Variants in MRPS9 observed in about 807,000 individuals in gnomAD.
MRPS9 encodes small ribosomal subunit protein uS9m.
Under a neutral mutation model 59.9 loss-of-function variants are expected in MRPS9, and 45 were observed. The observed-to-expected ratio is 0.75, with a 90% confidence interval of 0.59 to 0.96. The LOEUF is 0.96. Among genes scored for constraint, MRPS9 ranks in the 40% least tolerant of loss-of-function variants. The pLI, the probability that MRPS9 is intolerant of heterozygous loss-of-function variation, is 0.00. For synonymous variants in MRPS9, 171 were observed against 166.8 expected, an observed-to-expected ratio of 1.03 and a Z score of -0.19; for missense variants, 473 against 481.1, an observed-to-expected ratio of 0.98 and a Z score of 0.16.
At chr2:105,057,682 G>T (rs1302094861) in intron 2 of MRPS9, among the ~76,000 whole-genome samples, 3 of 152,170 alleles carry the variant, frequency 2.0e-5, no homozygotes, top group Non-Finnish European at 2.9e-5. Context: ...AACCTGTTTA[G>T]TGAAGTTTCT....
chr2:105,042,002 A>G (rs1679510643), intron 1 of MRPS9, among the ~76,000 whole-genome samples: 1 of 152,252 alleles, frequency 6.6e-6, no homozygotes, highest in South Asian at 2.1e-4. Context: ...CAAGATAACT[A>G]AACTTTCTTG....
chr2:105,051,272 G>T (rs374399314), intron 2 of MRPS9, among the ~76,000 whole-genome samples: 2 of 152,156 alleles, frequency 1.3e-5, no homozygotes, highest in Non-Finnish European at 2.9e-5. Context: ...TGGACATTCA[G>T]TTGTTCCGGC....
intron 2 of MRPS9, among the ~76,000 whole-genome samples, chr2:105,061,986 T>C (rs780886419): frequency 6.6e-6 from 1 of 152,190 alleles, no homozygotes; most frequent in Non-Finnish European, 1.5e-5. Flanking sequence ...AAATTAACTA[T>C]GATTCAAATG....
intron 4 of MRPS9, among the ~76,000 whole-genome samples, chr2:105,078,307 T>C (rs1369121947): frequency 1.5e-5 from 2 of 133,588 alleles, no homozygotes; most frequent in African/African-American, 6.1e-5. Context: ...TTAGGTTCGG[T>C]GAAGTCAAGT....
intron 1 of MRPS9, among the ~76,000 whole-genome samples, chr2:105,046,018 C>A (rs1247382978): frequency 6.6e-6 from 1 of 152,008 alleles, no homozygotes; most frequent in Non-Finnish European, 1.5e-5. Context: ...GCGCACACCA[C>A]CATGCCCTGC....
chr2:105,082,053 G>A (rs1466199542), intron 5 of MRPS9, among the ~76,000 whole-genome samples: 2 of 152,144 alleles, frequency 1.3e-5, no homozygotes, highest in African/African-American at 4.8e-5. Context: ...AACACTTGGA[G>A]CCATCTCGCC....
intron 5 of MRPS9, among the ~76,000 whole-genome samples, chr2:105,087,255 G>C (rs1374159290): frequency 6.6e-6 from 1 of 152,174 alleles, no homozygotes; most frequent in Non-Finnish European, 1.5e-5. Context: ...TTCCTCTGCT[G>C]CTGCAGGTGA....
chr2:105,049,520 A>G (rs2104441444), intron 2 of MRPS9, among the ~76,000 whole-genome samples, 170 bp downstream of exon 2: 1 of 152,376 alleles, frequency 6.6e-6, no homozygotes, highest in Non-Finnish European at 1.5e-5. Context: ...ACAAATGTGC[A>G]GGATTTACTT....
intron 5 of MRPS9, among the ~76,000 whole-genome samples, chr2:105,087,671 T>G (rs960280426): frequency 2.0e-5 from 3 of 152,178 alleles, no homozygotes; most frequent in African/African-American, 7.2e-5. Flanking sequence ...CCAAAAGGAA[T>G]GAACTTTTAC....
chr2:105,078,109 C>T (rs963447304), intron 4 of MRPS9, among the ~76,000 whole-genome samples: 9 of 145,012 alleles, frequency 6.2e-5, no homozygotes, highest in African/African-American at 2.1e-4. Flanking sequence ...CCTGGCAGCA[C>T]GTGTTTGTGC....
At chr2:105,038,980 A>T (rs950062641) in intron 1 of MRPS9, among the ~76,000 whole-genome samples, 8 of 152,170 alleles carry the variant, frequency 5.3e-5, no homozygotes, top group African/African-American at 1.9e-4. Context: ...GTAAATGGTA[A>T]CTGAGGCCTT....
intron 1 of MRPS9, among the ~76,000 whole-genome samples, chr2:105,046,621 T>G (rs1679600877): frequency 6.6e-6 from 1 of 151,250 alleles, no homozygotes; most frequent in Non-Finnish European, 1.5e-5. Context: ...ATCTTGCTCC[T>G]CCTCTGGAAT....
intron 5 of MRPS9, among the ~76,000 whole-genome samples, chr2:105,088,516 AT>A (rs1246704996): frequency 6.6e-6 from 1 of 152,138 alleles, no homozygotes. Flanking sequence ...CTTCAATATT[AT>A]TTAAATATTA....
At chr2:105,059,842 G>T (rs1679862542) in intron 2 of MRPS9, among the ~76,000 whole-genome samples, 1 of 151,480 alleles carries the variant, frequency 6.6e-6, no homozygotes, top group Non-Finnish European at 1.5e-5. Context: ...CACGTTCTGG[G>T]GCCAATGAAC....
chr2:105,096,948 ATAAATCT>A, intron 9 of MRPS9, 200 bp from the exon 10 acceptor site: 1 of 434,018 alleles, frequency 2.3e-6, no homozygotes. Flanking sequence ...AGCAAAAGAA[ATAAATCT>A]TAATCTCTCA....
chr2:105,091,174 A>G (rs1032547736), intron 7 of MRPS9: 1 of 403,290 alleles, frequency 2.5e-6, no homozygotes, highest in Non-Finnish European at 5.2e-6. Flanking sequence ...CAAGTTATAT[A>G]TGATACTTTG....
intron 5 of MRPS9, among the ~76,000 whole-genome samples, chr2:105,086,524 G>A (rs1274532675): frequency 2.0e-5 from 3 of 152,208 alleles, no homozygotes; most frequent in South Asian, 2.1e-4. Flanking sequence ...TTACGTACAA[G>A]ATAGGTTGAT....
intron 2 of MRPS9, among the ~76,000 whole-genome samples, chr2:105,059,869 T>C (rs569564616): frequency 6.6e-6 from 1 of 152,222 alleles, no homozygotes; most frequent in African/African-American, 2.4e-5. Flanking sequence ...AGTGAACAGA[T>C]AGGTTAACAT....
intron 2 of MRPS9, among the ~76,000 whole-genome samples, chr2:105,063,226 A>G (rs1401313811): frequency 1.3e-5 from 2 of 152,218 alleles, no homozygotes; most frequent in Non-Finnish European, 2.9e-5. Flanking sequence ...CCATGATCAC[A>G]TCTGTGAATA....
Sources: allele counts gnomAD v4.1 joint callset (sites outside exome capture counted in the v4.1 genomes callset), GRCh38; gene constraint gnomAD v4.1.1; transcripts MANE v1.5; gene names NCBI Gene and HGNC (gene_info 2026-07-23, HGNC 2026-07-21).